PDZRN4: variants seen among roughly 807,000 people sequenced by gnomAD.
PDZRN4 encodes the protein PDZ domain containing ring finger 4, also known as PDZ domain-containing RING finger protein 4.
Under a neutral mutation model 99.0 loss-of-function variants are expected in PDZRN4, and 70 were observed. The ratio of observed to expected loss-of-function variants is 0.71; its 90% CI spans 0.58 to 0.86. The LOEUF (loss-of-function observed/expected upper bound fraction) is 0.86, where lower values mean the gene tolerates loss of function less well. PDZRN4 is among the 40% of genes least tolerant of loss of function. The pLI is 0.00. For missense variants in PDZRN4, 1,474 were observed against 1,331.2 expected, an observed-to-expected ratio of 1.11 and a Z score of -1.67; for synonymous variants, 551 against 501.6, an observed-to-expected ratio of 1.10 and a Z score of -1.32.
intron 3 of PDZRN4, among the ~76,000 whole-genome samples, chr12:41,487,950 A>G (rs1222348853): frequency 6.6e-6 from 1 of 152,188 alleles, no homozygotes; most frequent in African/African-American, 2.4e-5. Flanking sequence ...ATCCTTTTTA[A>G]ATCTAGAAAG....
intron 3 of PDZRN4, among the ~76,000 whole-genome samples, chr12:41,483,015 A>G (rs1024113971): frequency 2.0e-5 from 3 of 151,816 alleles, no homozygotes. Flanking sequence ...TTGATATTAA[A>G]AATTATATAT....
chr12:41,471,624 T>C (rs999107406), intron 3 of PDZRN4, among the ~76,000 whole-genome samples: 1 of 150,768 alleles, frequency 6.6e-6, no homozygotes, highest in South Asian at 2.1e-4. Context: ...ATGATTGTGA[T>C]GATTTTTATA....
intron 3 of PDZRN4, among the ~76,000 whole-genome samples, chr12:41,262,211 C>T (rs943720224): frequency 2.6e-5 from 4 of 152,166 alleles, no homozygotes; most frequent in African/African-American, 9.7e-5. Flanking sequence ...ATTGATGATA[C>T]AGTGCTGTAA....
At chr12:41,200,627 C>G (rs1474999064) in intron 3 of PDZRN4, among the ~76,000 whole-genome samples, 1 of 152,082 alleles carries the variant, frequency 6.6e-6, no homozygotes, top group African/African-American at 2.4e-5. Flanking sequence ...TTCTCCTCAT[C>G]ATTCTATGCT....
chr12:41,387,816 T>C (rs761344574), intron 3 of PDZRN4, among the ~76,000 whole-genome samples: 66 of 152,364 alleles, frequency 4.3e-4, no homozygotes, highest in Non-Finnish European at 7.2e-4. Context: ...GGAACACTTA[T>C]ACACTGACGG....
chr12:41,255,865 T>G (rs1261852045), intron 3 of PDZRN4, among the ~76,000 whole-genome samples: 1 of 152,010 alleles, frequency 6.6e-6, no homozygotes, highest in African/African-American at 2.4e-5. Flanking sequence ...AACAACCAGC[T>G]CTCCTGTGAA....
At chr12:41,204,575 T>G (rs1246740393) in intron 3 of PDZRN4, among the ~76,000 whole-genome samples, 1 of 151,934 alleles carries the variant, frequency 6.6e-6, no homozygotes, top group Non-Finnish European at 1.5e-5. Context: ...GAAGGTACCT[T>G]CTTCACAAGG....
At chr12:41,428,995 T>C (rs931993120) in intron 3 of PDZRN4, among the ~76,000 whole-genome samples, 1 of 152,274 alleles carries the variant, frequency 6.6e-6, no homozygotes, top group South Asian at 2.1e-4. Context: ...TTCTGTGATA[T>C]GGAGAACGTG....
At chr12:41,339,540 A>G (rs1437733454) in intron 3 of PDZRN4, among the ~76,000 whole-genome samples, 1 of 152,090 alleles carries the variant, frequency 6.6e-6, no homozygotes, top group East Asian at 1.9e-4. Flanking sequence ...AATACCCAAA[A>G]AGCATCAGCA....
chr12:41,326,232 C>T (rs1038671254), intron 3 of PDZRN4, among the ~76,000 whole-genome samples: 2 of 152,056 alleles, frequency 1.3e-5, no homozygotes, highest in African/African-American at 2.4e-5. Flanking sequence ...CCCACCTTGG[C>T]CTTCCACAGT....
intron 3 of PDZRN4, among the ~76,000 whole-genome samples, chr12:41,489,808 G>T (rs1937849150): frequency 6.6e-6 from 1 of 151,998 alleles, no homozygotes; most frequent in East Asian, 1.9e-4. Context: ...CAAGGGCCAA[G>T]TTCAGCCAAT....
At chr12:41,476,946 C>T (rs1445800892) in intron 3 of PDZRN4, among the ~76,000 whole-genome samples, 1 of 152,200 alleles carries the variant, frequency 6.6e-6, no homozygotes, top group Non-Finnish European at 1.5e-5. Context: ...TTTTGTTATT[C>T]TGCAGTCCCC....
At chr12:41,206,953 T>G (rs1950855230) in intron 3 of PDZRN4, among the ~76,000 whole-genome samples, 1 of 151,984 alleles carries the variant, frequency 6.6e-6, no homozygotes, top group South Asian at 2.1e-4. Context: ...TGCTTCGCAA[T>G]TCTTTGTTAT....
intron 3 of PDZRN4, among the ~76,000 whole-genome samples, chr12:41,273,634 T>C (rs1200297195): frequency 6.6e-6 from 1 of 152,036 alleles, no homozygotes; most frequent in Non-Finnish European, 1.5e-5. Context: ...ATAAATGAAG[T>C]GTTTCATTAA....
chr12:41,424,448 A>T (rs1411151142), intron 3 of PDZRN4, among the ~76,000 whole-genome samples: 1 of 152,160 alleles, frequency 6.6e-6, no homozygotes, highest in Non-Finnish European at 1.5e-5. Context: ...TTTTATACTG[A>T]CATTACTGAA....
intron 3 of PDZRN4, among the ~76,000 whole-genome samples, chr12:41,406,826 C>T (rs182931392): frequency 6.8e-6 from 1 of 147,462 alleles, no homozygotes; most frequent in East Asian, 2.0e-4. Context: ...CCATTGCCCT[C>T]CAGCCTGGGC....
chr12:41,571,338 T>A (rs1470765101), intron 9 of PDZRN4, among the ~76,000 whole-genome samples: 12 of 94,948 alleles, frequency 1.3e-4, no homozygotes, highest in African/African-American at 4.5e-4. Context: ...TACCAGAGTC[T>A]CTCTCTCTCT....
chr12:41,559,796 G>T (rs1939235946), intron 7 of PDZRN4, among the ~76,000 whole-genome samples: 1 of 152,134 alleles, frequency 6.6e-6, no homozygotes, highest in African/African-American at 2.4e-5. Context: ...CCAGTGTTAG[G>T]TAATTGAATC....
intron 3 of PDZRN4, among the ~76,000 whole-genome samples, chr12:41,229,800 A>G: frequency 6.6e-6 from 1 of 152,060 alleles, no homozygotes; most frequent in East Asian, 1.9e-4. Context: ...TCAGAGTCCA[A>G]GGTGAGGTCA....
Sources: gnomAD v4.1 joint callset for allele counts (sites outside exome capture counted in the v4.1 genomes callset) on GRCh38, gnomAD v4.1.1 for gene constraint, MANE v1.5 for transcripts, NCBI Gene and HGNC (gene_info 2026-07-23, HGNC 2026-07-21) for gene names.